The following NLRP5 variants were observed in gnomAD, a reference collection of about 807,000 sequenced individuals.
NLRP5 encodes the protein NLR family pyrin domain containing 5.
NLRP5 carries 93 observed loss-of-function variants against 113.1 expected under a neutral mutation model. That is an observed-to-expected ratio of 0.82 (90% CI 0.70 to 0.98). The LOEUF (loss-of-function observed/expected upper bound fraction) is 0.98. Among genes scored for constraint, NLRP5 ranks in the 50% least tolerant of loss-of-function variants. The pLI is 0.00. For synonymous variants in NLRP5, 751 were observed against 600.7 expected, an observed-to-expected ratio of 1.25 and a Z score of -3.66; for missense variants, 1,808 against 1,514.3, an observed-to-expected ratio of 1.19 and a Z score of -3.22.
At chr19:55,993,925 C>T in the NLRP5 span, among the ~76,000 whole-genome samples, 26 of 151,776 alleles carry the variant, frequency 1.7e-4, no homozygotes, top group African/African-American at 5.8e-4. Flanking sequence ...TCTTAGCTAT[C>T]GTGAATAGTG....
At chr19:56,058,469 G>A in intron 14 of NLRP5, 59 bp downstream of exon 14, 16 of 1,474,608 alleles carry the variant, frequency 1.1e-5, no homozygotes, top group Non-Finnish European at 1.5e-5. Flanking sequence ...AGGCTTGTTA[G>A]CTGGTGGAGA....
At chr19:56,042,387 A>C (rs969869496) in intron 11 of NLRP5, among the ~76,000 whole-genome samples, 3 of 152,148 alleles carry the variant, frequency 2.0e-5, no homozygotes, top group African/African-American at 7.2e-5. Flanking sequence ...TCTGTCACCC[A>C]GGTTGGAGTG....
At position 56,004,060 on chromosome 19, in the gene NLRP5, G is replaced by A. The variant is rs34165304; in HGVS notation, c.407G>A (p.Arg136Gln). Residue 136 changes from arginine to glutamine, a missense_variant, in exon 2 of 15, where the codon CGA (arginine) becomes CAA (glutamine). By Grantham distance (43) the Arg-to-Gln change is conservative. Coordinates refer to ENST00000390649, the MANE Select transcript of NLRP5 (RefSeq NM_153447.4). Reference sequence around the variant, plus strand: ...AGCATCTTTGAAAACATGAACCTGCGAACCCTCTCGGAGAAGGCACGGGAT... The same window carrying A: ...AGCATCTTTGAAAACATGAACCTGCAAACCCTCTCGGAGAAGGCACGGGAT... The A allele has an allele frequency of 2.0e-3, 3,195 of 1,612,760 alleles. 3 individuals are homozygous for A. The highest frequency in any genetic ancestry group is 2.6e-3 in the Non-Finnish European group (3,034 of 1,179,254).
At chr19:56,013,040 C>A (rs1982260054) in intron 3 of NLRP5, among the ~76,000 whole-genome samples, 1 of 152,096 alleles carries the variant, frequency 6.6e-6, no homozygotes, top group African/African-American at 2.4e-5. Context: ...AAACCACATA[C>A]CTATTAGCCA....
intron 14 of NLRP5, among the ~76,000 whole-genome samples, 155 bp from the exon 15 acceptor site, chr19:56,061,241 A>G (rs1293359499): frequency 1.3e-5 from 2 of 152,328 alleles, no homozygotes; most frequent in Non-Finnish European, 2.9e-5. Context: ...TACAAACTCA[A>G]TAATTTGTTA....
chr19:56,061,121 G>A (rs576768155), intron 14 of NLRP5, among the ~76,000 whole-genome samples: 1 of 152,296 alleles, frequency 6.6e-6, no homozygotes, highest in South Asian at 2.1e-4. Flanking sequence ...CTCATTCTGT[G>A]CAAACTCCAG....
rs766422904 is a variant in NLRP5 at position 55,999,732 on chromosome 19, G to A, written c.7G>A (p.Val3Ile). The change falls in exon 1 of 15, where the codon GTT becomes ATT. Residue 3 changes from valine (V) to isoleucine (I), a missense_variant. By Grantham distance (29) the Val-to-Ile change is conservative. Transcript: ENST00000390649. The stretch of plus-strand genomic sequence containing the variant: ...TTTCCATGGCGATGTTATCATGAAG[G>A]TTGCAGGAGGACTTGAACTTGGAGC... The A allele has an allele frequency of 5.6e-6, 9 of 1,612,438 alleles. No individual in the cohort carries two copies. In the South Asian group the frequency reaches 9.9e-5, roughly 18 times the overall value.
chr19:56,037,714 A>AAAAAAAAAG (rs200215825), intron 9 of NLRP5, among the ~76,000 whole-genome samples: 95 of 131,686 alleles, frequency 7.2e-4, no homozygotes, highest in Non-Finnish European at 7.8e-4. Flanking sequence ...AAAAAAAAAA[A>AAAAAAAAAG]TGTTGGCTGG....
chr19:56,007,904 CGT>C lies in NLRP5; in HGVS notation c.443-855_443-854del, dbSNP rs57588214. On this transcript the variant is annotated intron_variant, in intron 2 of 14. Coordinates refer to ENST00000390649, the MANE Select transcript of NLRP5 (RefSeq NM_153447.4). ...GTGTGTGTGTGCGCGTGCGCGCGTG[CGT>C]GTGTGTGTGTGTGTGTGTGTGTGTG... 6.9e-3 allele frequency among the ~76,000 whole-genome samples: 762 copies of C among 110,124 alleles called. 85 individuals carry two copies. The highest frequency in any genetic ancestry group is 0.015 in the African/African-American group (446 of 30,118). 72.2% of individuals were successfully genotyped at this position (110,124 alleles called of 152,430 possible).
chr19:56,045,258 A>T (rs969609879), intron 11 of NLRP5, among the ~76,000 whole-genome samples: 32 of 152,120 alleles, frequency 2.1e-4, no homozygotes, highest in African/African-American at 7.2e-4. Context: ...GAGTAGTGAG[A>T]GTGGGCATCC....
chr19:56,017,402 T>C (rs1982450660), intron 4 of NLRP5, among the ~76,000 whole-genome samples: 4 of 152,112 alleles, frequency 2.6e-5, no homozygotes. Context: ...TTCAGATCTT[T>C]CTTAGGCATT....
intron 12 of NLRP5, 122 bp from the exon 13 acceptor site, chr19:56,053,516 G>A: frequency 1.2e-6 from 1 of 827,938 alleles, no homozygotes. Context: ...TCACAGGAGT[G>A]GACAAAACAG....
chr19:56,056,550 CTA>C (rs1352817202), intron 13 of NLRP5, among the ~76,000 whole-genome samples: 1 of 151,920 alleles, frequency 6.6e-6, no homozygotes, highest in East Asian at 1.9e-4. Context: ...GAGCGAGACT[CTA>C]TTTCTAAAAA....
chr19:55,999,676 G>T (rs1255476415), upstream of NLRP5: 3 of 1,400,022 alleles, frequency 2.1e-6, no homozygotes, highest in South Asian at 1.2e-5. Flanking sequence ...CCAGCTTCCA[G>T]AGGAGAGCCC....
chr19:56,058,132 T>C, intron 13 of NLRP5, 108 bp from the exon 14 acceptor site: 1 of 889,318 alleles, frequency 1.1e-6, no homozygotes, highest in South Asian at 2.3e-5. Flanking sequence ...TGTTTTTGTT[T>C]TGTTTTGTTT....
chr19:55,997,950 A>AT (rs945910506), upstream of NLRP5, among the ~76,000 whole-genome samples: 3 of 151,882 alleles, frequency 2.0e-5, no homozygotes, highest in Admixed American at 6.6e-5. Flanking sequence ...GAAGCTATAT[A>AT]TTTTTTTATT....
chr19:56,013,271 C>T (rs1982270236), intron 3 of NLRP5, among the ~76,000 whole-genome samples: 1 of 152,172 alleles, frequency 6.6e-6, no homozygotes, highest in African/African-American at 2.4e-5. Flanking sequence ...CGGCTCACTG[C>T]AACCTCCGCC....
At chr19:55,998,708 G>GTATATATATATA (rs1429404937), upstream of NLRP5, among the ~76,000 whole-genome samples, 188 of 59,262 alleles carry the variant, frequency 3.2e-3, 5 homozygotes, top group South Asian at 0.01. Flanking sequence ...ATATATGTGT[G>GTATATATATATA]TGTGTGTATA....
chr19:55,997,511 G>A (rs1458069748), upstream of NLRP5, among the ~76,000 whole-genome samples: 1 of 152,034 alleles, frequency 6.6e-6, no homozygotes, highest in Non-Finnish European at 1.5e-5. Context: ...GGAATAGTTT[G>A]AGAAGAATTG....
Sources: allele counts gnomAD v4.1 joint callset (sites outside exome capture counted in the v4.1 genomes callset), GRCh38; gene constraint gnomAD v4.1.1; transcripts MANE v1.5; gene names NCBI Gene and HGNC (gene_info 2026-07-23, HGNC 2026-07-21).